ENTREP2: variants seen among roughly 807,000 people sequenced by gnomAD.
ENTREP2 encodes protein ENTREP2.
At chr15:29,560,583 A>C in the ENTREP2 span, among the ~76,000 whole-genome samples, 1 of 152,022 alleles carries the variant, frequency 6.6e-6, no homozygotes, top group Admixed American at 6.5e-5. Context: ...CCCAGGGAGC[A>C]TGGCCACTTC....
the ENTREP2 span, among the ~76,000 whole-genome samples, chr15:29,654,555 A>G: frequency 6.6e-6 from 1 of 152,212 alleles, no homozygotes; most frequent in Non-Finnish European, 1.5e-5. Flanking sequence ...TCTATCAAGC[A>G]TGTTTTACAC....
the ENTREP2 span, among the ~76,000 whole-genome samples, chr15:29,147,625 A>C: frequency 6.6e-6 from 1 of 152,258 alleles, no homozygotes; most frequent in African/African-American, 2.4e-5. Flanking sequence ...CACCACTAAG[A>C]TGGTTACAAT....
chr15:29,170,934 G>A, the ENTREP2 span, among the ~76,000 whole-genome samples: 1 of 152,212 alleles, frequency 6.6e-6, no homozygotes, highest in African/African-American at 2.4e-5. Flanking sequence ...CCACAGTTCT[G>A]GAGGCTGGGA....
the ENTREP2 span, among the ~76,000 whole-genome samples, chr15:29,632,530 C>T: frequency 2.0e-5 from 3 of 152,104 alleles, no homozygotes; most frequent in African/African-American, 4.8e-5. Flanking sequence ...GCCTGTAATC[C>T]CAACACTTTG....
chr15:29,596,185 C>T, the ENTREP2 span, among the ~76,000 whole-genome samples: 1 of 152,280 alleles, frequency 6.6e-6, no homozygotes, highest in Admixed American at 6.5e-5. Flanking sequence ...TTTAATGTAA[C>T]TGTCTGTATC....
the ENTREP2 span, chr15:29,235,062 A>C: frequency 8.9e-7 from 1 of 1,123,226 alleles, no homozygotes; most frequent in Non-Finnish European, 1.4e-6. Flanking sequence ...CCCCACAGCC[A>C]GGACAGGTCC....
the ENTREP2 span, among the ~76,000 whole-genome samples, chr15:29,547,465 A>C: frequency 1.3e-5 from 2 of 152,212 alleles, no homozygotes; most frequent in Non-Finnish European, 2.9e-5. Context: ...ATGGTCAACA[A>C]GCATATGAAA....
chr15:29,499,542 AT>A, the ENTREP2 span, among the ~76,000 whole-genome samples: 1,068 of 141,358 alleles, frequency 7.6e-3, 7 homozygotes, highest in Middle Eastern at 0.011. Flanking sequence ...CACTAGGCTA[AT>A]TTTTTTTTTT....
the ENTREP2 span, among the ~76,000 whole-genome samples, chr15:29,422,486 G>A: frequency 6.6e-6 from 1 of 152,082 alleles, no homozygotes; most frequent in African/African-American, 2.4e-5. Flanking sequence ...AGAACGGCAG[G>A]GTAAACTCTA....
the ENTREP2 span, among the ~76,000 whole-genome samples, chr15:29,459,724 G>A: frequency 6.6e-6 from 1 of 152,020 alleles, no homozygotes; most frequent in Non-Finnish European, 1.5e-5. Flanking sequence ...GCACAAACTT[G>A]GCCCAGAAAG....
the ENTREP2 span, among the ~76,000 whole-genome samples, chr15:29,664,448 C>CTTTG: frequency 2.1e-5 from 3 of 142,998 alleles, no homozygotes; most frequent in East Asian, 6.0e-4. Flanking sequence ...TTCTCTCTCT[C>CTTTG]TTTTTTTTTT....
the ENTREP2 span, among the ~76,000 whole-genome samples, chr15:29,576,696 G>C: frequency 1.3e-5 from 2 of 152,200 alleles, no homozygotes; most frequent in African/African-American, 4.8e-5. Flanking sequence ...AGATAAACGA[G>C]TGTCCTGTGA....
chr15:29,174,875 A>T, the ENTREP2 span, among the ~76,000 whole-genome samples: 1 of 152,198 alleles, frequency 6.6e-6, no homozygotes, highest in Non-Finnish European at 1.5e-5. Flanking sequence ...GGTATAGAAA[A>T]CTTATGCATC....
At chr15:29,657,489 G>GGGGGGGGGC in the ENTREP2 span, among the ~76,000 whole-genome samples, 1 of 132,210 alleles carries the variant, frequency 7.6e-6, no homozygotes, top group African/African-American at 3.1e-5. Context: ...GGGGCGGGGG[G>GGGGGGGGGC]GGGGGGTGGC....
chr15:29,534,019 T>C, the ENTREP2 span, among the ~76,000 whole-genome samples: 2 of 136,874 alleles, frequency 1.5e-5, no homozygotes, highest in East Asian at 2.2e-4. Context: ...CTGCTGCCTA[T>C]AGAAACGATA....
chr15:29,441,752 CCAT>C, the ENTREP2 span, among the ~76,000 whole-genome samples: 1 of 152,050 alleles, frequency 6.6e-6, no homozygotes, highest in Non-Finnish European at 1.5e-5. Flanking sequence ...TCCATCTACA[CCAT>C]CACCAGTTTT....
the ENTREP2 span, among the ~76,000 whole-genome samples, chr15:29,167,228 A>G: frequency 1.3e-5 from 2 of 152,192 alleles, no homozygotes; most frequent in South Asian, 2.1e-4. Context: ...AGAAGATAAC[A>G]TCGGAAAAAC....
At chr15:29,444,604 C>T in the ENTREP2 span, among the ~76,000 whole-genome samples, 2 of 151,870 alleles carry the variant, frequency 1.3e-5, no homozygotes, top group South Asian at 2.1e-4. Flanking sequence ...ATACCTGGCA[C>T]TACAGGCGCC....
chr15:29,220,433 T>G, the ENTREP2 span, among the ~76,000 whole-genome samples: 1 of 152,240 alleles, frequency 6.6e-6, no homozygotes, highest in Non-Finnish European at 1.5e-5. Flanking sequence ...CTGGCCTTTA[T>G]GACCGATCAG....
Sources: allele counts gnomAD v4.1 joint callset (sites outside exome capture counted in the v4.1 genomes callset), GRCh38; gene constraint gnomAD v4.1.1; transcripts MANE v1.5; gene names NCBI Gene and HGNC (gene_info 2026-07-23, HGNC 2026-07-21).